Variants in KCNB2 observed in about 807,000 individuals in gnomAD.
KCNB2 encodes the protein delayed rectifier potassium channel protein.
Under a neutral mutation model 61.5 loss-of-function variants are expected in KCNB2, and 15 were observed. The observed-to-expected ratio is 0.24, with a 90% CI of 0.16 to 0.38. The LOEUF (loss-of-function observed/expected upper bound fraction) is 0.38, where lower values mean the gene tolerates loss of function less well. Among genes scored for constraint, KCNB2 ranks in the 10% least tolerant of loss-of-function variants. The pLI, the probability that KCNB2 is intolerant of heterozygous loss-of-function variation, is 1.00. For synonymous variants in KCNB2, 457 were observed against 446.0 expected (o/e 1.02, Z -0.31); for missense variants, 828 against 1,125.2 (o/e 0.74, Z 3.78).
chr8:72,731,993 A>T (rs1585858798), intron 2 of KCNB2: 1 of 152,204 alleles, frequency 6.6e-6, no homozygotes, highest in Non-Finnish European at 1.5e-5. Flanking sequence ...TTTGTAGAAT[A>T]GAAAAGGTTT....
At chr8:72,726,775 GGTT>G (rs1807657470) in intron 2 of KCNB2, among the ~76,000 whole-genome samples, 1 of 151,924 alleles carries the variant, frequency 6.6e-6, no homozygotes, top group Non-Finnish European at 1.5e-5. Context: ...TTTTTTTGTT[GGTT>G]GTTGTTAATG....
chr8:72,753,388 A>G (rs1207750990), intron 2 of KCNB2, among the ~76,000 whole-genome samples: 1 of 152,180 alleles, frequency 6.6e-6, no homozygotes, highest in Non-Finnish European at 1.5e-5. Flanking sequence ...AGCAACTCTT[A>G]TGCCTGGCAA....
chr8:72,562,099 A>T (rs1448069819), intron 1 of KCNB2, among the ~76,000 whole-genome samples: 1 of 152,024 alleles, frequency 6.6e-6, no homozygotes, highest in African/African-American at 2.4e-5. Flanking sequence ...GTTTGTTTGC[A>T]GTGCCTGCTC....
chr8:72,629,685 T>G (rs541035318), intron 2 of KCNB2, among the ~76,000 whole-genome samples: 1 of 152,188 alleles, frequency 6.6e-6, no homozygotes, highest in Non-Finnish European at 1.5e-5. Flanking sequence ...AAAATTGGAG[T>G]GCTGTCACTA....
At chr8:72,894,869 G>A (rs766402238) in intron 2 of KCNB2, among the ~76,000 whole-genome samples, 5 of 152,130 alleles carry the variant, frequency 3.3e-5, no homozygotes, top group Admixed American at 1.3e-4. Flanking sequence ...GACATGATGG[G>A]GATAGATAGA....
In KCNB2 at chr8:72,864,363, C is replaced by A. The variant is rs569508067; in HGVS notation, c.580-71572C>A. On this transcript the variant is annotated intron_variant, in intron 2 of 2. Transcript: ENST00000523207. ...GATCTATGAAAATGCAAAATTGTTT[C>A]ATTCTAAAGTCTATCTTTTATGTCT... Among the ~76,000 whole-genome samples the A allele has an allele frequency of 3.3e-5, 5 of 152,274 alleles. No individual in the cohort carries two copies. In the South Asian group the frequency reaches 1.0e-3, roughly 32 times the overall value.
chr8:72,653,783 A>G (rs72668170), intron 2 of KCNB2, among the ~76,000 whole-genome samples: 4,413 of 152,318 alleles, frequency 0.029, 97 homozygotes, highest in Middle Eastern at 0.082. Context: ...CTGGCACTTT[A>G]CAGAAAACTA....
chr8:72,552,023 G>C (rs745614170), intron 1 of KCNB2, among the ~76,000 whole-genome samples: 1 of 152,124 alleles, frequency 6.6e-6, no homozygotes, highest in Non-Finnish European at 1.5e-5. Context: ...TCTGCCTGAT[G>C]ATGAAGCGCC....
At chr8:72,897,196 T>A (rs2129006345) in intron 2 of KCNB2, among the ~76,000 whole-genome samples, 1 of 152,184 alleles carries the variant, frequency 6.6e-6, no homozygotes, top group African/African-American at 2.4e-5. Flanking sequence ...TAGAATATAG[T>A]GGCCACCCTA....
At chr8:72,604,652 A>T (rs1416518053) in intron 2 of KCNB2, among the ~76,000 whole-genome samples, 1 of 152,210 alleles carries the variant, frequency 6.6e-6, no homozygotes, top group South Asian at 2.1e-4. Flanking sequence ...GCTCAAAAAG[A>T]TGTTTTTAAT....
chr8:72,662,704 C>T (rs1806400494), intron 2 of KCNB2, among the ~76,000 whole-genome samples: 1 of 152,138 alleles, frequency 6.6e-6, no homozygotes. Flanking sequence ...GAAAACTGTG[C>T]TCTCGGTTCT....
At chr8:72,608,306 CAG>C (rs1448762913) in intron 2 of KCNB2, among the ~76,000 whole-genome samples, 1 of 152,096 alleles carries the variant, frequency 6.6e-6, no homozygotes, top group Non-Finnish European at 1.5e-5. Flanking sequence ...GGCTGGGAAC[CAG>C]GCAGGGAGAG....
chr8:72,677,045 T>G (rs1806666321), intron 2 of KCNB2, among the ~76,000 whole-genome samples: 2 of 152,044 alleles, frequency 1.3e-5, no homozygotes, highest in African/African-American at 2.4e-5. Context: ...CATGCTGGAG[T>G]AGGGTGGGCC....
intron 2 of KCNB2, among the ~76,000 whole-genome samples, chr8:72,709,401 T>C (rs962702608): frequency 3.3e-5 from 5 of 152,022 alleles, no homozygotes; most frequent in African/African-American, 1.2e-4. Flanking sequence ...TGAGACTGGG[T>C]AATTTATGAA....
At chr8:72,815,027 T>C (rs1220755305) in intron 2 of KCNB2, among the ~76,000 whole-genome samples, 1 of 152,182 alleles carries the variant, frequency 6.6e-6, no homozygotes, top group Non-Finnish European at 1.5e-5. Context: ...TGTAAAATGA[T>C]GAGTTAAAGG....
chr8:72,718,707 A>C (rs1807492291), intron 2 of KCNB2, among the ~76,000 whole-genome samples: 1 of 151,914 alleles, frequency 6.6e-6, no homozygotes, highest in African/African-American at 2.4e-5. Context: ...AGATCTACCT[A>C]ATGCTAAATG....
At chr8:72,743,771 C>T (rs1808009267) in intron 2 of KCNB2, among the ~76,000 whole-genome samples, 1 of 152,118 alleles carries the variant, frequency 6.6e-6, no homozygotes, top group South Asian at 2.1e-4. Context: ...GTAAGTTTCA[C>T]ATATTATTAT....
At chr8:72,912,530 A>G (rs1436631814) in intron 2 of KCNB2, among the ~76,000 whole-genome samples, 1 of 147,860 alleles carries the variant, frequency 6.8e-6, no homozygotes, top group Non-Finnish European at 1.5e-5. Context: ...GTAATATATA[A>G]TATGATATAT....
chr8:72,690,073 A>T (rs895585570), intron 2 of KCNB2, among the ~76,000 whole-genome samples: 1 of 151,958 alleles, frequency 6.6e-6, no homozygotes, highest in Non-Finnish European at 1.5e-5. Flanking sequence ...AACAATTTAA[A>T]GCTAGGTAGC....
Sources: gnomAD v4.1 joint callset for allele counts (sites outside exome capture counted in the v4.1 genomes callset) on GRCh38, gnomAD v4.1.1 for gene constraint, MANE v1.5 for transcripts, NCBI Gene and HGNC (gene_info 2026-07-23, HGNC 2026-07-21) for gene names.